The following GNG7 variants were observed in gnomAD, a reference collection of about 807,000 sequenced individuals.
The protein encoded by GNG7 is G protein subunit gamma 7, also known as guanine nucleotide-binding protein G(I)/G(S)/G(O) subunit gamma-7.
In GNG7, 1 loss-of-function variant was observed where a neutral mutation model predicts 4.0. The observed-to-expected ratio is 0.25, with a 90% CI of 0.09 to 1.18. GNG7 has a LOEUF of 1.18. GNG7 is among the 50% of genes most tolerant of loss of function. GNG7 has a pLI of 0.50. For synonymous variants in GNG7, 34 were observed against 36.9 expected, an observed-to-expected ratio of 0.92 and a Z score of 0.29; for missense variants, 86 against 91.9, an observed-to-expected ratio of 0.94 and a Z score of 0.26.
intron 2 of GNG7, among the ~76,000 whole-genome samples, chr19:2,599,324 T>C (rs1981129549): frequency 6.6e-6 from 1 of 152,020 alleles, no homozygotes; most frequent in East Asian, 1.9e-4. Flanking sequence ...GAATAAATAC[T>C]AGGAGGGCCC....
chr19:2,637,163 G>T (rs1013172059), intron 2 of GNG7, among the ~76,000 whole-genome samples: 16 of 152,096 alleles, frequency 1.1e-4, no homozygotes, highest in Admixed American at 3.3e-4. Context: ...GCCGCCAGCG[G>T]TAACAGCAGC....
At chr19:2,631,618 C>CA (rs1385958744) in intron 2 of GNG7, among the ~76,000 whole-genome samples, 3 of 150,638 alleles carry the variant, frequency 2.0e-5, no homozygotes, top group Non-Finnish European at 4.4e-5. Flanking sequence ...TTTATTTATA[C>CA]AAACAGGGAG....
At chr19:2,585,628 G>C (rs1047903074) in intron 2 of GNG7, among the ~76,000 whole-genome samples, 6 of 152,276 alleles carry the variant, frequency 3.9e-5, no homozygotes, top group African/African-American at 1.4e-4. Context: ...ATTACCAGGG[G>C]AACTTTTCCT....
At chr19:2,592,241 A>G (rs1980868085) in intron 2 of GNG7, among the ~76,000 whole-genome samples, 1 of 152,218 alleles carries the variant, frequency 6.6e-6, no homozygotes, top group Admixed American at 6.5e-5. Flanking sequence ...CTAACTAAAA[A>G]GAATGAAGCT....
chr19:2,566,940 T>C (rs576163983), intron 2 of GNG7, among the ~76,000 whole-genome samples: 7 of 151,850 alleles, frequency 4.6e-5, no homozygotes, highest in Non-Finnish European at 1.0e-4. Context: ...CCGTGTCTAC[T>C]AAAAATACAA....
chr19:2,616,939 C>T (rs1981739684), intron 2 of GNG7, among the ~76,000 whole-genome samples: 1 of 152,154 alleles, frequency 6.6e-6, no homozygotes, highest in South Asian at 2.1e-4. Context: ...AAGTGCAGCT[C>T]CGCCTCCCTG....
chr19:2,662,318 G>C (rs1983202859), intron 1 of GNG7, among the ~76,000 whole-genome samples: 2 of 150,852 alleles, frequency 1.3e-5, no homozygotes, highest in African/African-American at 4.9e-5. Flanking sequence ...TGTGAGAGGA[G>C]TTTCCCCACA....
chr19:2,671,863 A>G (rs1983461666), intron 1 of GNG7, among the ~76,000 whole-genome samples: 1 of 151,432 alleles, frequency 6.6e-6, no homozygotes, highest in African/African-American at 2.4e-5. Context: ...CATCCTGGCT[A>G]ACACAGTGAA....
chr19:2,659,135 A>G (rs1461627794), intron 1 of GNG7, among the ~76,000 whole-genome samples: 1 of 151,882 alleles, frequency 6.6e-6, no homozygotes, highest in Non-Finnish European at 1.5e-5. Context: ...ACACCTGGCT[A>G]ATTTTTTGTA....
chr19:2,602,687 C>G (rs186277101), intron 2 of GNG7, among the ~76,000 whole-genome samples: 2 of 152,200 alleles, frequency 1.3e-5, no homozygotes, highest in African/African-American at 4.8e-5. Flanking sequence ...CAATCCCATA[C>G]GCTGGACAGC....
At chr19:2,679,823 T>G (rs200869046) in intron 1 of GNG7, among the ~76,000 whole-genome samples, 10 of 152,298 alleles carry the variant, frequency 6.6e-5, no homozygotes, top group Middle Eastern at 3.4e-3. Flanking sequence ...AGCACCTTCC[T>G]AAATTACCTG....
chr19:2,636,078 AC>A (rs1225905869), intron 2 of GNG7, among the ~76,000 whole-genome samples: 3 of 152,026 alleles, frequency 2.0e-5, no homozygotes, highest in Non-Finnish European at 4.4e-5. Flanking sequence ...GGGGAGAGAG[AC>A]CCTGTGTTAT....
At chr19:2,553,007 G>A (rs1168089711) in intron 3 of GNG7, among the ~76,000 whole-genome samples, 1 of 151,200 alleles carries the variant, frequency 6.6e-6, no homozygotes, top group African/African-American at 2.4e-5. Flanking sequence ...AAAGATCAGA[G>A]CAGCGATAAA....
At chr19:2,577,108 T>A (rs1309178329) in intron 2 of GNG7, among the ~76,000 whole-genome samples, 1 of 152,236 alleles carries the variant, frequency 6.6e-6, no homozygotes, top group East Asian at 1.9e-4. Context: ...AAGCTGGGGC[T>A]GTGGGGCAGT....
chr19:2,700,346 T>C (rs1392840278), intron 1 of GNG7, among the ~76,000 whole-genome samples: 1 of 152,158 alleles, frequency 6.6e-6, no homozygotes, highest in African/African-American at 2.4e-5. Flanking sequence ...TTTCGCTATA[T>C]TGGCCAGGCT....
chr19:2,615,037 T>A (rs56923239), intron 2 of GNG7, among the ~76,000 whole-genome samples: 35,930 of 152,196 alleles, frequency 0.24, 8,322 homozygotes, highest in African/African-American at 0.61. Flanking sequence ...CCGCGGCTCC[T>A]GCCCAAGCCC....
chr19:2,594,579 C>T (rs992191509), intron 2 of GNG7, among the ~76,000 whole-genome samples: 6 of 152,132 alleles, frequency 3.9e-5, no homozygotes, highest in Non-Finnish European at 7.4e-5. Flanking sequence ...ACATTCTGCC[C>T]TTCTTCTGTT....
At chr19:2,660,939 C>T (rs964805108) in intron 1 of GNG7, among the ~76,000 whole-genome samples, 22 of 152,134 alleles carry the variant, frequency 1.4e-4, no homozygotes, top group African/African-American at 4.6e-4. Flanking sequence ...AGGCCGGGCA[C>T]GTTGGCTCAC....
At chr19:2,647,444 G>T (rs1214814022) in intron 1 of GNG7, among the ~76,000 whole-genome samples, 1 of 152,188 alleles carries the variant, frequency 6.6e-6, no homozygotes, top group Non-Finnish European at 1.5e-5. Context: ...TCTGCTCTGT[G>T]CTCCATGTCC....
Sources: gnomAD v4.1 joint callset for allele counts (sites outside exome capture counted in the v4.1 genomes callset) on GRCh38, gnomAD v4.1.1 for gene constraint, MANE v1.5 for transcripts, NCBI Gene and HGNC (gene_info 2026-07-23, HGNC 2026-07-21) for gene names.